RAB15: variants seen among roughly 807,000 people sequenced by gnomAD.
The protein encoded by RAB15 is RAB15, member RAS oncogene family.
RAB15 carries 13 observed loss-of-function variants against 31.8 expected under a neutral mutation model. The ratio of observed to expected loss-of-function variants is 0.41; its 90% CI spans 0.27 to 0.65. The LOEUF (loss-of-function observed/expected upper bound fraction) is 0.65. Ranked by LOEUF, RAB15 falls within the 30% of genes least tolerant of loss-of-function variation. The pLI is 0.32. For missense variants in RAB15, 220 were observed against 277.3 expected, an observed-to-expected ratio of 0.79 and a Z score of 1.47; for synonymous variants, 100 against 105.6, an observed-to-expected ratio of 0.95 and a Z score of 0.33.
At chr14:64,957,074 C>A (rs931061063) in intron 1 of RAB15, among the ~76,000 whole-genome samples, 2 of 151,788 alleles carry the variant, frequency 1.3e-5, no homozygotes, top group African/African-American at 4.8e-5. Flanking sequence ...GTAGCTGGGA[C>A]TGCAAGTGTG....
intron 1 of RAB15, among the ~76,000 whole-genome samples, chr14:64,956,935 A>G (rs999378772): frequency 7.0e-6 from 1 of 143,486 alleles, no homozygotes; most frequent in Non-Finnish European, 1.5e-5. Flanking sequence ...CCTAGCTTCA[A>G]TTTTTTTTTT....
intron 1 of RAB15, among the ~76,000 whole-genome samples, chr14:64,963,265 G>A (rs1440664561): frequency 3.3e-5 from 5 of 151,806 alleles, no homozygotes; most frequent in Admixed American, 6.6e-5. Flanking sequence ...GACTACAGGC[G>A]TGCTCTACCA....
chr14:64,951,768 G>A lies in RAB15; in HGVS notation c.186-105C>T, dbSNP rs1886267153. On this transcript the variant is annotated intron_variant, in intron 2 of 6. Coordinates refer to ENST00000533601, the MANE Select transcript of RAB15 (RefSeq NM_001308154.2). This position sits in a 1 kb window ranked among gnomAD's most constrained non-coding sequence, Gnocchi z 7.2. ...GTAGGAAAAACTGGGGAGCTAAAGG[G>A]TGAAAAACCAGGGATGCTTGGATCC... 6 of 972,760 alleles carry A rather than the reference G, an allele frequency of 6.2e-6. No homozygotes were observed. In the Admixed American group the frequency reaches 1.1e-4, roughly 17 times the overall value. 60.3% of individuals were successfully genotyped at this position (972,760 alleles called of 1,614,324 possible).
chr14:64,949,671 C>T (rs568046404), intron 5 of RAB15, among the ~76,000 whole-genome samples: 69 of 146,162 alleles, frequency 4.7e-4, no homozygotes, highest in Admixed American at 1.9e-3. Flanking sequence ...TGCAGTGAGC[C>T]GAGATGGCGC....
rs1294426993 is a variant in RAB15, at chr14:64,948,462, C to T, written c.531G>A (p.Leu177=). ...TGCTGGCACGCATCCGGAGGCCTTCCAGCTCCTTCCTATGGGCCTGCAGCA... is the reference window on the plus strand; with the variant it reads ...TGCTGGCACGCATCCGGAGGCCTTCTAGCTCCTTCCTATGGGCCTGCAGCA... ...ELVLQAHRKE[L]EGLRMRASNE... is the part of the protein sequence containing the mutation. Residue 177 remains leucine, a synonymous_variant, in exon 7 of 7, where the codon CTG becomes CTA. Coordinates refer to ENST00000533601, the MANE Select transcript of RAB15 (RefSeq NM_001308154.2). This position sits in a 1 kb window ranked among gnomAD's most constrained non-coding sequence, Gnocchi z 7.0. 1 of 1,613,554 alleles carries T rather than the reference C, an allele frequency of 6.2e-7. No homozygotes were observed. The highest frequency in any genetic ancestry group is 1.3e-5 in the African/African-American group (1 of 75,038).
At position 64,948,314 on chromosome 14, in the gene RAB15, G is replaced by C; in HGVS notation, c.*40C>G. On this transcript the variant is annotated 3_prime_UTR_variant, in exon 7 of 7. Transcript: ENST00000533601. The surrounding 1 kb of genome is among the most constrained non-coding windows in gnomAD (Gnocchi z 7.0). ...TCCCCTGTCTGCCCACGGGCCTCCT[G>C]AGGGAAGAGGGGTGTCGTGTGGGGT... The C allele has an allele frequency of 6.9e-7, 1 of 1,458,256 alleles. No homozygotes were observed. The highest frequency in any genetic ancestry group is 1.4e-5 in the South Asian group (1 of 70,656). 90.3% of individuals were successfully genotyped at this position (1,458,256 alleles called of 1,614,324 possible).
intron 1 of RAB15, among the ~76,000 whole-genome samples, chr14:64,957,758 C>T (rs571531118): frequency 6.6e-6 from 1 of 152,300 alleles, no homozygotes; most frequent in African/African-American, 2.4e-5. Context: ...TCTTAAAACC[C>T]ACCCAGGGTA....
In RAB15 at chr14:64,972,111, G is replaced by A. The variant is rs748255857; in HGVS notation, c.-35C>T. The A allele has an allele frequency of 3.2e-6, 5 of 1,554,308 alleles. No individual in the cohort carries two copies. The highest frequency in any genetic ancestry group is 1.2e-5 in the South Asian group (1 of 85,670). On this transcript the variant is annotated 5_prime_UTR_variant, in exon 1 of 7. Coordinates refer to ENST00000533601, the MANE Select transcript of RAB15 (RefSeq NM_001308154.2). The surrounding 1 kb of genome is among the most constrained non-coding windows in gnomAD (Gnocchi z 6.3). ...CAGCGGGGCCGGGAACTGCGGGCGG[G>A]CAGCGGGCTCAGCCCTGCTCCGCCG...
rs1243485753 is a variant in RAB15, at chr14:64,955,320, C to T, written c.125-2749G>A. Among the ~76,000 whole-genome samples, 3 of 152,204 alleles carry T rather than the reference C, an allele frequency of 2.0e-5. No homozygotes were observed. The highest frequency in any genetic ancestry group is 4.4e-5 in the Non-Finnish European group (3 of 68,048). ...AAGAGGAATCTATTGCTTCTGCGCTCTGTTCCCACACAACCTGGGCCTTCA... is the reference window on the plus strand; with the variant it reads ...AAGAGGAATCTATTGCTTCTGCGCTTTGTTCCCACACAACCTGGGCCTTCA... On this transcript the variant is annotated intron_variant, in intron 1 of 6. Coordinates refer to ENST00000533601, the MANE Select transcript of RAB15 (RefSeq NM_001308154.2). This position sits in a 1 kb window ranked among gnomAD's most constrained non-coding sequence, Gnocchi z 4.4.
At position 64,948,303 on chromosome 14, in the gene RAB15, A is replaced by G. The variant is rs1309076936; in HGVS notation, c.*51T>C. Reference sequence around the variant, plus strand: ...AAAGCCCCGGCTCCCCTGTCTGCCCACGGGCCTCCTGAGGGAAGAGGGGTG... The same window carrying G: ...AAAGCCCCGGCTCCCCTGTCTGCCCGCGGGCCTCCTGAGGGAAGAGGGGTG... On this transcript the variant is annotated 3_prime_UTR_variant, in exon 7 of 7. Transcript: ENST00000533601. This position sits in a 1 kb window ranked among gnomAD's most constrained non-coding sequence, Gnocchi z 7.0. The G allele has an allele frequency of 3.5e-6, 5 of 1,447,076 alleles. No homozygotes were observed. In the East Asian group the frequency reaches 1.3e-4, roughly 36 times the overall value. The allele number at this position is 1,447,076 out of a possible 1,614,324, so 89.6% of individuals were successfully genotyped here.
chr14:64,960,873 G>A lies in RAB15; in HGVS notation c.125-8302C>T, dbSNP rs534708427. On this transcript the variant is annotated intron_variant, in intron 1 of 6. Transcript: ENST00000533601. Reference sequence around the variant, plus strand: ...AAAAAGAGGAAATGCCGCCCCCTGTGGGGCCCAGATGGCTCCTGGAGTCTG... The same window carrying A: ...AAAAAGAGGAAATGCCGCCCCCTGTAGGGCCCAGATGGCTCCTGGAGTCTG... 1.5e-3 allele frequency among the ~76,000 whole-genome samples: 226 copies of A among 152,284 alleles called. 1 individual carries two copies. Among genetic ancestry groups the A allele is most frequent in the African/African-American group, 5.1e-3 (212 of 41,562 alleles).
intron 1 of RAB15, among the ~76,000 whole-genome samples, chr14:64,959,463 T>A (rs1886740960): frequency 6.6e-6 from 1 of 152,210 alleles, no homozygotes; most frequent in South Asian, 2.1e-4. Flanking sequence ...AGAGAATACA[T>A]TTTGTGGTTG....
In RAB15 at chr14:64,948,728, C is replaced by T. The variant is rs557643226; in HGVS notation, c.420G>A (p.Ala140=). 2.1e-4 allele frequency: 342 copies of T among 1,613,800 alleles called. 4 individuals are homozygous for T. In the South Asian group the frequency reaches 3.6e-3, roughly 17 times the overall value. Residue 140 remains alanine (A), a synonymous_variant, in exon 6 of 7, where the codon GCG becomes GCA. Coordinates refer to ENST00000533601, the MANE Select transcript of RAB15 (RefSeq NM_001308154.2). This position sits in a 1 kb window ranked among gnomAD's most constrained non-coding sequence, Gnocchi z 7.0. ...QVGREQGQQL[A]KEYGMDFYET... is the part of the protein sequence containing the mutation. ...CATAGAAGTCCATGCCATACTCCTT[C>T]GCCAGCTGCAAGAGAAGGACATTTC...
Position 64,950,814 on chromosome 14 carries a change from G to T in RAB15, c.324+260C>A. ...AACTCCACCTGGTCCCAAGATTTCA[G>T]GAAAGAAGCTGCTCACAGGGAAGAC... On this transcript the variant is annotated intron_variant, in intron 4 of 6. Transcript: ENST00000533601. The surrounding 1 kb of genome is among the most constrained non-coding windows in gnomAD (Gnocchi z 5.6). The T allele has an allele frequency of 1.4e-6, 1 of 694,060 alleles. No individual in the cohort carries two copies. The highest frequency in any genetic ancestry group is 2.5e-6 in the Non-Finnish European group (1 of 404,102). The allele number at this position is 694,060 out of a possible 1,614,324, so 43.0% of individuals were successfully genotyped here.
Position 64,972,296 on chromosome 14 carries a change from C to G in RAB15, c.-220G>C, listed in dbSNP as rs990198097. The G allele has an allele frequency of 1.3e-5, 2 of 158,478 alleles. No individual in the cohort carries two copies. Among genetic ancestry groups the G allele is most frequent in the African/African-American group, 4.9e-5 (2 of 41,160 alleles). The allele number at this position is 158,478 out of a possible 1,614,324, so 9.8% of individuals were successfully genotyped here. A position where few individuals can be genotyped will look rare whatever the true frequency, so the allele number is the denominator to read the frequency against. ...AGCCCGGCGCGGCGCCCGCTCGGCT[C>G]GGCTCGGCTCGGCTGGGCTGGCGCG... On this transcript the variant is annotated 5_prime_UTR_variant, in exon 1 of 7. Coordinates refer to ENST00000533601, the MANE Select transcript of RAB15 (RefSeq NM_001308154.2). The surrounding 1 kb of genome is among the most constrained non-coding windows in gnomAD (Gnocchi z 6.3).
At position 64,954,582 on chromosome 14, in the gene RAB15, C is replaced by T. The variant is rs921430756; in HGVS notation, c.125-2011G>A. ...ATGGGAACTTCCTATGTGCCCTGCA[C>T]AGTGCTCAGTGCAGACAGAGCAGTG... is the stretch of plus-strand genomic sequence containing the variant. On this transcript the variant is annotated intron_variant, in intron 1 of 6. Coordinates refer to ENST00000533601, the MANE Select transcript of RAB15 (RefSeq NM_001308154.2). This position sits in a 1 kb window ranked among gnomAD's most constrained non-coding sequence, Gnocchi z 4.3. The T allele has an allele frequency of 4.3e-6, 4 of 935,330 alleles. No individual in the cohort carries two copies. Among genetic ancestry groups the T allele is most frequent in the Non-Finnish European group, 5.1e-6 (4 of 784,276 alleles). 57.9% of individuals were successfully genotyped at this position (935,330 alleles called of 1,614,324 possible).
chr14:64,948,402 C>T lies in RAB15; in HGVS notation c.591G>A (p.Glu197=), dbSNP rs759780594. The T allele has an allele frequency of 6.2e-7, 1 of 1,604,322 alleles. No individual in the cohort carries two copies. The highest frequency in any genetic ancestry group is 8.5e-7 in the Non-Finnish European group (1 of 1,175,728). The change falls in exon 7 of 7, where the codon GAG becomes GAA. Residue 197 remains glutamate (E), a synonymous_variant. Transcript: ENST00000533601. The surrounding 1 kb of genome is among the most constrained non-coding windows in gnomAD (Gnocchi z 7.0). The stretch of plus-strand genomic sequence containing the variant: ...AGTTCGCTGGGCCCTCGGGTTTGCC[C>T]TCCTCCTCCTCCAGCTCTGCCAGTG... ...ELALAELEEE[E]GKPEGPANSS...
intron 1 of RAB15, among the ~76,000 whole-genome samples, chr14:64,966,838 T>G (rs1887166420): frequency 6.6e-6 from 1 of 152,116 alleles, no homozygotes; most frequent in Admixed American, 6.6e-5. Context: ...ACAGAGTAGG[T>G]AGAGACTGGT....
chr14:64,969,227 C>G (rs1887299444), intron 1 of RAB15, among the ~76,000 whole-genome samples: 1 of 152,158 alleles, frequency 6.6e-6, no homozygotes, highest in South Asian at 2.1e-4. Flanking sequence ...CAGTGCAGAG[C>G]CTGGCATACA....
Sources: allele counts gnomAD v4.1 joint callset (sites outside exome capture counted in the v4.1 genomes callset), GRCh38; gene constraint gnomAD v4.1.1; non-coding constraint Gnocchi (gnomAD v3.1); transcripts MANE v1.5; gene names NCBI Gene and HGNC (gene_info 2026-07-23, HGNC 2026-07-21).